Variants in FERMT2 observed in about 807,000 individuals in gnomAD.
The protein encoded by FERMT2 is fermitin family homolog 2.
In FERMT2, 15 loss-of-function variants were observed where a neutral mutation model predicts 82.7. The observed-to-expected ratio is 0.18, with a 90% CI of 0.12 to 0.28. The LOEUF (loss-of-function observed/expected upper bound fraction) is 0.28. Among genes scored for constraint, FERMT2 ranks in the 10% least tolerant of loss-of-function variants. The pLI is 1.00. For synonymous variants in FERMT2, 274 were observed against 271.5 expected (o/e 1.01, Z -0.09); for missense variants, 645 against 809.4 (o/e 0.80, Z 2.46).
chr14:52,873,150 G>C (rs1466823429), intron 9 of FERMT2, among the ~76,000 whole-genome samples: 1 of 152,162 alleles, frequency 6.6e-6, no homozygotes, highest in African/African-American at 2.4e-5. Context: ...CGAGGAGAAA[G>C]GCAGTAGGGC....
chr14:52,884,548 G>A (rs543847701), intron 4 of FERMT2, among the ~76,000 whole-genome samples: 2 of 152,170 alleles, frequency 1.3e-5, no homozygotes, highest in South Asian at 4.2e-4. Context: ...AGTTTGCAGT[G>A]AGAGACTGCA....
chr14:52,950,362 CTA>C, intron 2 of FERMT2, 48 bp downstream of exon 2: 1 of 1,587,978 alleles, frequency 6.3e-7, no homozygotes, highest in Non-Finnish European at 8.6e-7. Context: ...TTTCCTCCCC[CTA>C]CCAATTCTGG....
intron 3 of FERMT2, among the ~76,000 whole-genome samples, chr14:52,898,051 CATTTTGTTCTGT>C (rs1887403535): frequency 6.7e-6 from 1 of 149,592 alleles, no homozygotes; most frequent in Non-Finnish European, 1.5e-5. Context: ...ACTAGGTTTT[CATTTTGTTCTGT>C]ATTTTACAGG....
At chr14:52,926,132 C>T (rs1246428863) in intron 2 of FERMT2, among the ~76,000 whole-genome samples, 1 of 37,560 alleles carries the variant, frequency 2.7e-5, no homozygotes, top group East Asian at 1.8e-3. Flanking sequence ...GAAGCATGAA[C>T]ACATTATGAT....
At chr14:52,865,654 T>C (rs1194187872) in intron 10 of FERMT2, among the ~76,000 whole-genome samples, 1 of 152,174 alleles carries the variant, frequency 6.6e-6, no homozygotes, top group African/African-American at 2.4e-5. Context: ...AAGCACAATG[T>C]CATATGATCA....
At chr14:52,885,444 A>C (rs982407916) in intron 4 of FERMT2, among the ~76,000 whole-genome samples, 1 of 151,988 alleles carries the variant, frequency 6.6e-6, no homozygotes, top group Non-Finnish European at 1.5e-5. Flanking sequence ...GGGTATTTTA[A>C]ATTCCTTCAT....
In FERMT2 at chr14:52,864,846, T is replaced by C; in HGVS notation, c.1281A>G (p.Glu427=). ...PAHQMNLRGC[E]VTPDVNISGQ... is the part of the protein sequence containing the mutation. ...CTGAAATGTTTACATCTGGGGTAAC[T>C]TCACATCCTGTAACAAAAAATTTTT... The change falls in exon 11 of 15, where the codon GAA becomes GAG. Residue 427 remains glutamate, a synonymous_variant. Transcript: ENST00000341590. The C allele has an allele frequency of 6.3e-7, 1 of 1,584,386 alleles. No individual in the cohort carries two copies. Among genetic ancestry groups the C allele is most frequent in the Non-Finnish European group, 8.6e-7 (1 of 1,161,028 alleles).
chr14:52,926,498 T>C (rs147291194), intron 2 of FERMT2, among the ~76,000 whole-genome samples: 1 of 151,142 alleles, frequency 6.6e-6, no homozygotes, highest in Non-Finnish European at 1.5e-5. Flanking sequence ...ATCACCGGAG[T>C]AGATTCATTC....
At chr14:52,893,523 C>T (rs1051753123) in intron 3 of FERMT2, 96 bp from the exon 4 acceptor site, 3 of 933,770 alleles carry the variant, frequency 3.2e-6, no homozygotes, top group African/African-American at 3.3e-5. Context: ...TGTGTAACTT[C>T]CTTCTGTATG....
intron 2 of FERMT2, among the ~76,000 whole-genome samples, chr14:52,934,982 T>G (rs1057418943): frequency 6.6e-6 from 1 of 152,236 alleles, no homozygotes; most frequent in African/African-American, 2.4e-5. Flanking sequence ...CTTCTGTTAT[T>G]TACATAGTGC....
chr14:52,928,430 A>G (rs1488935128), intron 2 of FERMT2: 1 of 153,558 alleles, frequency 6.5e-6, no homozygotes, highest in Non-Finnish European at 1.5e-5. Flanking sequence ...GAACACTACA[A>G]TCCCAGTGTT....
chr14:52,880,586 ACGGGGTTT>A (rs1443700575), intron 6 of FERMT2, among the ~76,000 whole-genome samples: 1 of 151,978 alleles, frequency 6.6e-6, no homozygotes, highest in African/African-American at 2.4e-5. Flanking sequence ...TTTAGTAGAG[ACGGGGTTT>A]CACCATGTTG....
chr14:52,886,289 G>C (rs963433544), intron 4 of FERMT2, among the ~76,000 whole-genome samples: 8 of 151,636 alleles, frequency 5.3e-5, no homozygotes, highest in Non-Finnish European at 1.2e-4. Flanking sequence ...GAGAGAGAGA[G>C]AGACAGACAG....
chr14:52,939,172 T>C (rs1017628146), intron 2 of FERMT2, among the ~76,000 whole-genome samples: 43 of 128,594 alleles, frequency 3.3e-4, no homozygotes, highest in African/African-American at 1.3e-3. Context: ...CTGGCCAACA[T>C]GGTGAAATCC....
chr14:52,931,528 A>C (rs552398135), intron 2 of FERMT2, among the ~76,000 whole-genome samples: 16 of 152,296 alleles, frequency 1.1e-4, no homozygotes, highest in African/African-American at 3.4e-4. Flanking sequence ...GAAGAGAAGG[A>C]GGCAAATATG....
At chr14:52,892,161 TTTTTG>T (rs1248129101) in intron 4 of FERMT2, among the ~76,000 whole-genome samples, 17 of 54,654 alleles carry the variant, frequency 3.1e-4, no homozygotes, top group Non-Finnish European at 6.5e-4. Context: ...AGAAGGCTGT[TTTTTG>T]TTTTTTTTTT....
At chr14:52,914,640 C>A (rs58738281) in intron 3 of FERMT2, among the ~76,000 whole-genome samples, 1,700 of 152,152 alleles carry the variant, frequency 0.011, 30 homozygotes, top group African/African-American at 0.038. Context: ...CAAGAGAAGG[C>A]CGGGCATGGT....
chr14:52,895,454 C>G (rs1887203091), intron 3 of FERMT2, among the ~76,000 whole-genome samples: 1 of 152,112 alleles, frequency 6.6e-6, no homozygotes, highest in African/African-American at 2.4e-5. Context: ...GTGATATTTG[C>G]AAACCAACGG....
intron 2 of FERMT2, among the ~76,000 whole-genome samples, chr14:52,926,177 T>C (rs1191443350): frequency 6.6e-6 from 1 of 152,198 alleles, no homozygotes; most frequent in East Asian, 1.9e-4. Flanking sequence ...GGCAAGCAAA[T>C]GAAAATACTA....
Sources: allele counts gnomAD v4.1 joint callset (sites outside exome capture counted in the v4.1 genomes callset), GRCh38; gene constraint gnomAD v4.1.1; transcripts MANE v1.5; gene names NCBI Gene and HGNC (gene_info 2026-07-23, HGNC 2026-07-21).